CLSTN2: variants seen among roughly 807,000 people sequenced by gnomAD.
CLSTN2 encodes calsyntenin 2.
A neutral mutation model predicts 101.2 loss-of-function variants in CLSTN2; 48 were observed. That is an observed-to-expected ratio of 0.47 (90% confidence interval 0.38 to 0.60). The LOEUF (loss-of-function observed/expected upper bound fraction) is 0.60, where lower values mean the gene tolerates loss of function less well. Ranked by LOEUF, CLSTN2 falls within the 20% of genes least tolerant of loss-of-function variation. The probability of loss-of-function intolerance (pLI) is 0.00; values close to 1 mark genes in which losing one functional copy is unlikely to be tolerated. For missense variants in CLSTN2, 1,160 were observed against 1,238.2 expected, an observed-to-expected ratio of 0.94 and a Z score of 0.95; for synonymous variants, 481 against 463.6, an observed-to-expected ratio of 1.04 and a Z score of -0.48.
intron 2 of CLSTN2, among the ~76,000 whole-genome samples, chr3:140,285,363 G>T (rs371156797): frequency 6.6e-6 from 1 of 152,090 alleles, no homozygotes; most frequent in Non-Finnish European, 1.5e-5. Flanking sequence ...TTATCTACTG[G>T]CAGCAGCTCC....
Position 140,378,252 on chromosome 3 carries a change from A to G in CLSTN2, c.233-25377A>G, listed in dbSNP as rs73228944. On this transcript the variant is annotated intron_variant, in intron 2 of 16. Coordinates refer to ENST00000458420, the MANE Select transcript of CLSTN2 (RefSeq NM_022131.3). ...AAGTGACACTTGACTCTCTCAATGTATATAAATGACCGGATACTTCATTTA... is the reference window on the plus strand; with the variant it reads ...AAGTGACACTTGACTCTCTCAATGTGTATAAATGACCGGATACTTCATTTA... Among the ~76,000 whole-genome samples the G allele has an allele frequency of 8.3e-3, 1,259 of 152,352 alleles. 11 individuals carry two copies. The highest frequency in any genetic ancestry group is 0.014 in the Middle Eastern group (4 of 294).
intron 2 of CLSTN2, among the ~76,000 whole-genome samples, chr3:140,371,068 C>A (rs771586386): frequency 1.3e-5 from 2 of 152,148 alleles, no homozygotes; most frequent in Non-Finnish European, 2.9e-5. Flanking sequence ...GTCTTTCTGG[C>A]AAACACCTTC....
chr3:140,543,501 C>T lies in CLSTN2; in HGVS notation c.1508-3014C>T, dbSNP rs77598247. On this transcript the variant is annotated intron_variant, in intron 9 of 16. Coordinates refer to ENST00000458420, the MANE Select transcript of CLSTN2 (RefSeq NM_022131.3). ...TGAAGATGTTTTGGGTGGCAAGTAA[C>T]AACACTGTGGGTCAAAATGGCTCAA... is the stretch of plus-strand genomic sequence containing the variant. Among the ~76,000 whole-genome samples the T allele has an allele frequency of 0.014, 2,093 of 152,290 alleles. 133 individuals are homozygous for T. The East Asian group carries it at 0.21, about 15-fold the overall frequency.
intron 8 of CLSTN2, among the ~76,000 whole-genome samples, chr3:140,486,134 A>G (rs1188658340): frequency 6.6e-6 from 1 of 152,122 alleles, no homozygotes; most frequent in Admixed American, 6.5e-5. Flanking sequence ...AAAAAGACAC[A>G]TTACATATGG....
At chr3:140,330,383 G>A (rs1377394814) in intron 2 of CLSTN2, among the ~76,000 whole-genome samples, 2 of 152,226 alleles carry the variant, frequency 1.3e-5, no homozygotes, top group Non-Finnish European at 2.9e-5. Context: ...CCCAACTAAT[G>A]AGGGGTGGTC....
At chr3:140,491,301 A>C (rs910497055) in intron 8 of CLSTN2, among the ~76,000 whole-genome samples, 1 of 152,186 alleles carries the variant, frequency 6.6e-6, no homozygotes, top group Non-Finnish European at 1.5e-5. Flanking sequence ...GCTGGTGGTA[A>C]GGTAATCTAA....
At chr3:140,005,003 T>A in intron 1 of CLSTN2, among the ~76,000 whole-genome samples, 1 of 152,118 alleles carries the variant, frequency 6.6e-6, no homozygotes, top group East Asian at 1.9e-4. Flanking sequence ...GTGGTCTCTG[T>A]CTCCTATGGC....
At chr3:140,558,979 C>A in intron 12 of CLSTN2, 122 bp downstream of exon 12, 1 of 713,076 alleles carries the variant, frequency 1.4e-6, no homozygotes, top group Non-Finnish European at 2.4e-6. Context: ...GTATACATGG[C>A]AGCGTAATGT....
intron 10 of CLSTN2, among the ~76,000 whole-genome samples, chr3:140,548,267 A>ACC (rs1935639753): frequency 6.6e-6 from 1 of 152,246 alleles, no homozygotes; most frequent in Non-Finnish European, 1.5e-5. Context: ...AGACATTTGT[A>ACC]ATCCAGTTGA....
At chr3:140,519,190 G>C (rs149055625) in intron 8 of CLSTN2, among the ~76,000 whole-genome samples, 158 of 152,324 alleles carry the variant, frequency 1.0e-3, no homozygotes, top group African/African-American at 3.6e-3. Context: ...TGTGGTCTGA[G>C]AGACCGTTTG....
intron 2 of CLSTN2, among the ~76,000 whole-genome samples, chr3:140,377,273 T>C (rs2087927718): frequency 6.6e-6 from 1 of 152,240 alleles, no homozygotes; most frequent in Non-Finnish European, 1.5e-5. Flanking sequence ...ACAGAAGGTA[T>C]AGGACATAAT....
At chr3:140,290,661 C>T (rs1314422951) in intron 2 of CLSTN2, among the ~76,000 whole-genome samples, 1 of 152,228 alleles carries the variant, frequency 6.6e-6, no homozygotes, top group Non-Finnish European at 1.5e-5. Context: ...TGCGATCCTC[C>T]AGAGTCCTGG....
intron 2 of CLSTN2, among the ~76,000 whole-genome samples, 194 bp downstream of exon 2, chr3:140,176,267 G>T (rs1244033969): frequency 6.6e-6 from 1 of 152,118 alleles, no homozygotes; most frequent in African/African-American, 2.4e-5. Flanking sequence ...TTGTTTGTTT[G>T]TTTTTTCCTT....
chr3:139,964,271 T>C (rs976150645), intron 1 of CLSTN2, among the ~76,000 whole-genome samples: 4 of 152,188 alleles, frequency 2.6e-5, no homozygotes, highest in Non-Finnish European at 4.4e-5. Flanking sequence ...GTTCCAGGGA[T>C]ACAGCCATGC....
At chr3:140,112,260 G>A (rs914782984) in intron 1 of CLSTN2, among the ~76,000 whole-genome samples, 26 of 152,244 alleles carry the variant, frequency 1.7e-4, no homozygotes, top group Admixed American at 9.2e-4. Context: ...TCTTCTAAGC[G>A]ATTTCAGGAA....
At chr3:140,379,300 T>C (rs2087953882) in intron 2 of CLSTN2, among the ~76,000 whole-genome samples, 1 of 152,074 alleles carries the variant, frequency 6.6e-6, no homozygotes, top group South Asian at 2.1e-4. Context: ...CTCTGGACCA[T>C]AATGAGAGGG....
intron 8 of CLSTN2, among the ~76,000 whole-genome samples, chr3:140,527,281 C>G (rs1935163322): frequency 6.6e-6 from 1 of 152,038 alleles, no homozygotes; most frequent in Non-Finnish European, 1.5e-5. Flanking sequence ...TGAACAGATT[C>G]TTCTCAAAAG....
intron 2 of CLSTN2, among the ~76,000 whole-genome samples, chr3:140,356,740 G>A (rs1375762086): frequency 8.1e-6 from 1 of 123,904 alleles, no homozygotes; most frequent in Non-Finnish European, 1.6e-5. Context: ...CCTGGCAACA[G>A]AGTTGGACCT....
At chr3:139,981,628 CA>C (rs1935923464) in intron 1 of CLSTN2, among the ~76,000 whole-genome samples, 1 of 152,166 alleles carries the variant, frequency 6.6e-6, no homozygotes, top group African/African-American at 2.4e-5. Context: ...ATCAAAGGAA[CA>C]AAAAGAGTTC....
Sources: gnomAD v4.1 joint callset for allele counts (sites outside exome capture counted in the v4.1 genomes callset) on GRCh38, gnomAD v4.1.1 for gene constraint, MANE v1.5 for transcripts, NCBI Gene and HGNC (gene_info 2026-07-23, HGNC 2026-07-21) for gene names.